Variants in LPCAT2 observed in about 807,000 individuals in gnomAD.
The protein encoded by LPCAT2 is 1-AGP acyltransferase 11.
In LPCAT2, 58 loss-of-function variants were observed where a neutral mutation model predicts 64.7. That is an observed-to-expected ratio of 0.90 (90% CI 0.73 to 1.12). LPCAT2 has a LOEUF of 1.12. Ranked by LOEUF, LPCAT2 falls within the 50% of genes most tolerant of loss-of-function variation. The probability of loss-of-function intolerance (pLI) is 0.00; values close to 1 mark genes in which losing one functional copy is unlikely to be tolerated. For missense variants in LPCAT2, 579 were observed against 669.8 expected (o/e 0.86, Z 1.50); for synonymous variants, 252 against 245.3 (o/e 1.03, Z -0.26).
chr16:55,584,938 A>G lies in LPCAT2; in HGVS notation c.*1840A>G, dbSNP rs962790183. 4 of 152,238 alleles carry G rather than the reference A, an allele frequency of 2.6e-5. No individual in the cohort carries two copies. The highest frequency in any genetic ancestry group is 2.6e-4 in the Admixed American group (4 of 15,284). The allele number at this position is 152,238 out of a possible 1,614,324, so 9.4% of individuals were successfully genotyped here. A position where few individuals can be genotyped will look rare whatever the true frequency, so the allele number is the denominator to read the frequency against. ...TCAGAGTGTCTGTCATATGCAATGAATGTATGTAATACTAAAAAATCATGA... is the reference window on the plus strand; with the variant it reads ...TCAGAGTGTCTGTCATATGCAATGAGTGTATGTAATACTAAAAAATCATGA... On this transcript the variant is annotated 3_prime_UTR_variant, in exon 14 of 14. Transcript: ENST00000262134.
chr16:55,566,681 A>C (rs1353391036), intron 11 of LPCAT2: 12 of 1,478,594 alleles, frequency 8.1e-6, no homozygotes, highest in Admixed American at 4.6e-5. Flanking sequence ...CCACATGTAA[A>C]CTACTTGAAC....
At chr16:55,582,886 T>G (rs145051473) in intron 13 of LPCAT2, 28 bp from the exon 14 acceptor site, 136 of 1,492,066 alleles carry the variant, frequency 9.1e-5, no homozygotes, top group Non-Finnish European at 9.2e-5. Context: ...CACCCCAACT[T>G]ATTGGATTTT....
intron 11 of LPCAT2, among the ~76,000 whole-genome samples, chr16:55,573,544 A>G (rs1963793546): frequency 6.6e-6 from 1 of 152,150 alleles, no homozygotes; most frequent in Admixed American, 6.5e-5. Flanking sequence ...GTCAAATATT[A>G]TTATTAGTCT....
In LPCAT2 at chr16:55,549,274, T is replaced by C. The variant is rs1322840656; in HGVS notation, c.936-3T>C. 7.1e-6 allele frequency: 11 copies of C among 1,551,764 alleles called. No individual in the cohort carries two copies. The highest frequency in any genetic ancestry group is 9.5e-6 in the Non-Finnish European group (11 of 1,156,896). ...ATTTTAGTTTGCTTCTTAATACTTTTAGAGCTCTGGGAATACCAGTAACAG... is the reference window on the plus strand; with the variant it reads ...ATTTTAGTTTGCTTCTTAATACTTTCAGAGCTCTGGGAATACCAGTAACAG... On this transcript the variant is annotated splice_region_variant and splice_polypyrimidine_tract_variant and intron_variant, in intron 9 of 13. Transcript: ENST00000262134.
At chr16:55,568,361 A>G (rs2142415029) in intron 11 of LPCAT2, among the ~76,000 whole-genome samples, 1 of 152,356 alleles carries the variant, frequency 6.6e-6, no homozygotes, top group Admixed American at 6.5e-5. Flanking sequence ...GAGCAAGGAA[A>G]ATTCTTTTGT....
intron 6 of LPCAT2, among the ~76,000 whole-genome samples, chr16:55,533,146 G>T (rs1051150933): frequency 6.6e-6 from 1 of 152,092 alleles, no homozygotes; most frequent in Non-Finnish European, 1.5e-5. Context: ...CACCATGTTG[G>T]TGTGATTAAT....
chr16:55,538,103 C>T (rs1963346800), intron 8 of LPCAT2: 1 of 155,324 alleles, frequency 6.4e-6, no homozygotes, highest in African/African-American at 2.4e-5. Context: ...GGAGGCAGCA[C>T]ATATCATCAT....
At chr16:55,545,906 C>A in intron 9 of LPCAT2, 89 bp downstream of exon 9, 1 of 889,902 alleles carries the variant, frequency 1.1e-6, no homozygotes, top group Non-Finnish European at 1.8e-6. Flanking sequence ...TTTTTTTTGA[C>A]CCCTGAAGGC....
At chr16:55,566,818 G>T (rs1302958553) in intron 11 of LPCAT2, 1 of 1,613,764 alleles carries the variant, frequency 6.2e-7, no homozygotes, top group Non-Finnish European at 8.5e-7. Context: ...GCTCTTGGAG[G>T]CCTCTTTGGA....
At chr16:55,532,357 T>G (rs190766814) in intron 5 of LPCAT2, 1 of 167,604 alleles carries the variant, frequency 6.0e-6, no homozygotes, top group Non-Finnish European at 1.3e-5. Context: ...CAGCTTTCAT[T>G]ATAATTTTTA....
chr16:55,579,153 C>A lies in LPCAT2; in HGVS notation c.1359C>A (p.Phe453Leu). ...DEDGYITEEE[F>L]STILQASLGV... ...ATGGCTACATAACGGAGGAAGAGTT[C>A]TCCACCATTCTACAGGCTTCCCTTG... The change falls in exon 13 of 14, where the codon TTC becomes TTA. Residue 453 changes from phenylalanine (F) to leucine (L), a missense_variant. Physicochemically the swap from Phe to Leu is conservative, Grantham distance 22. Coordinates refer to ENST00000262134, the MANE Select transcript of LPCAT2 (RefSeq NM_017839.5). The A allele has an allele frequency of 6.2e-7, 1 of 1,613,476 alleles. No homozygotes were observed.
In LPCAT2 at chr16:55,585,376, G is replaced by A. The variant is rs1282122606; in HGVS notation, c.*2278G>A. The stretch of plus-strand genomic sequence containing the variant: ...TTCTTAAAGATGTTGAATTTTGACT[G>A]GTTGAATTTTATATAGTAACACACA... On this transcript the variant is annotated 3_prime_UTR_variant, in exon 14 of 14. Transcript: ENST00000262134. The A allele has an allele frequency of 6.6e-6, 1 of 152,128 alleles. No homozygotes were observed. Among genetic ancestry groups the A allele is most frequent in the Non-Finnish European group, 1.5e-5 (1 of 68,018 alleles). 9.4% of individuals were successfully genotyped at this position (152,128 alleles called of 1,614,324 possible).
intron 11 of LPCAT2, among the ~76,000 whole-genome samples, chr16:55,564,392 A>G (rs1488811446): frequency 1.3e-5 from 2 of 151,974 alleles, no homozygotes; most frequent in Non-Finnish European, 2.9e-5. Flanking sequence ...AGCCAAAACA[A>G]TCTTGAAAAA....
In LPCAT2 at chr16:55,515,999, A is replaced by T. The variant is rs1249713554; in HGVS notation, c.171+6647A>T. Among the ~76,000 whole-genome samples the T allele has an allele frequency of 2.6e-5, 4 of 152,210 alleles. No individual in the cohort carries two copies. In the East Asian group the frequency reaches 7.7e-4, roughly 29 times the overall value. ...AAATGTCATATATAAATCCTACCTT[A>T]TTAGTAATTACATTAAATATAAACT... is the stretch of plus-strand genomic sequence containing the variant. On this transcript the variant is annotated intron_variant, in intron 1 of 13. Transcript: ENST00000262134.
At chr16:55,577,469 C>T (rs1408490314) in intron 12 of LPCAT2, among the ~76,000 whole-genome samples, 2 of 152,120 alleles carry the variant, frequency 1.3e-5, no homozygotes, top group African/African-American at 4.8e-5. Flanking sequence ...GGAAAAGTTA[C>T]TTAACTTCCT....
intron 8 of LPCAT2, chr16:55,538,250 T>C (rs1963348331): frequency 6.6e-6 from 1 of 152,254 alleles, no homozygotes; most frequent in Non-Finnish European, 1.5e-5. Context: ...CTAGATATGA[T>C]GTAGAGTAGA....
At chr16:55,563,827 T>C (rs771657593) in intron 11 of LPCAT2, among the ~76,000 whole-genome samples, 1 of 151,668 alleles carries the variant, frequency 6.6e-6, no homozygotes, top group African/African-American at 2.4e-5. Flanking sequence ...TCTACTAACA[T>C]GGTATTGGAA....
chr16:55,577,946 A>T (rs1264852205), intron 12 of LPCAT2, among the ~76,000 whole-genome samples: 2 of 152,134 alleles, frequency 1.3e-5, no homozygotes, highest in Admixed American at 6.6e-5. Flanking sequence ...AATCATCAGG[A>T]TCCTCTAATA....
rs562857606 is a variant in LPCAT2 at position 55,527,780 on chromosome 16, T to C, written c.312-597T>C. 3.9e-5 allele frequency among the ~76,000 whole-genome samples: 6 copies of C among 152,298 alleles called. No homozygotes were observed. In the South Asian group the frequency reaches 1.2e-3, roughly 32 times the overall value. On this transcript the variant is annotated intron_variant, in intron 2 of 13. Coordinates refer to ENST00000262134, the MANE Select transcript of LPCAT2 (RefSeq NM_017839.5). The stretch of plus-strand genomic sequence containing the variant: ...ATCTCTGTTCCAGGGAAGTGAGATG[T>C]TGAACTCACTTCTGATGATTGTTGA...
Sources: gnomAD v4.1 joint callset for allele counts (sites outside exome capture counted in the v4.1 genomes callset) on GRCh38, gnomAD v4.1.1 for gene constraint, MANE v1.5 for transcripts, NCBI Gene and HGNC (gene_info 2026-07-23, HGNC 2026-07-21) for gene names.